The following SMYD4 variants were observed in gnomAD, a reference collection of about 807,000 sequenced individuals.
SMYD4 encodes the protein SET and MYND domain containing 4.
A neutral mutation model predicts 72.8 loss-of-function variants in SMYD4; 68 were observed. That is an observed-to-expected ratio of 0.93 (90% CI 0.77 to 1.14). The LOEUF is 1.14. Ranked by LOEUF, SMYD4 falls within the 50% of genes most tolerant of loss-of-function variation. The pLI is 0.00. For missense variants in SMYD4, 984 were observed against 1,003.7 expected (o/e 0.98, Z 0.27); for synonymous variants, 407 against 388.6 (o/e 1.05, Z -0.56).
In SMYD4 at chr17:1,784,323, C is replaced by T. The variant is rs772016985; in HGVS notation, c.2020+3G>A. 1.2e-6 allele frequency: 2 copies of T among 1,614,214 alleles called. No homozygotes were observed. Among genetic ancestry groups the T allele is most frequent in the Admixed American group, 3.3e-5 (2 of 60,024 alleles). ...GAGGACCAAAGCAGGGAGCCAGTCT[C>T]ACCTAGTTCACCATCTCTGAGAAGC... On this transcript the variant is annotated splice_donor_region_variant and intron_variant, in intron 8 of 10. Transcript: ENST00000305513.
chr17:1,781,343 C>T lies in SMYD4; in HGVS notation c.2358G>A (p.Gln786=). ...AGTCCAACAAACAGGATTTCATCTT[C>T]TGGAGCTCCTGGATTTCATCGTCCC... The part of the protein sequence containing the change: ...GPWDDEIQEL[Q]KMKSCLLDLP... The change falls in exon 11 of 11, where the codon CAG becomes CAA. Residue 786 remains glutamine, a synonymous_variant. Transcript: ENST00000305513. 6.2e-7 allele frequency: 1 copy of T among 1,614,076 alleles called. No individual in the cohort carries two copies. The highest frequency in any genetic ancestry group is 8.5e-7 in the Non-Finnish European group (1 of 1,180,038).
intron 2 of SMYD4, among the ~76,000 whole-genome samples, chr17:1,812,545 C>CTTTTTTTTTTTTTTTT (rs71150818): frequency 1.6e-5 from 1 of 63,702 alleles, no homozygotes; most frequent in Non-Finnish European, 3.0e-5. Context: ...AGCAGAATTT[C>CTTTTTTTTTTTTTTTT]TTTTTTTTTT....
intron 2 of SMYD4, among the ~76,000 whole-genome samples, chr17:1,818,209 G>T (rs1428216152): frequency 6.6e-6 from 1 of 152,006 alleles, no homozygotes; most frequent in Non-Finnish European, 1.5e-5. Flanking sequence ...TCTTTCTCCA[G>T]CCTTGCCATC....
At chr17:1,827,241 C>G (rs1911227681) in intron 2 of SMYD4, among the ~76,000 whole-genome samples, 1 of 150,676 alleles carries the variant, frequency 6.6e-6, no homozygotes, top group Non-Finnish European at 1.5e-5. Context: ...ACTCGGGAAG[C>G]TGAGATACGA....
chr17:1,804,603 A>G, intron 4 of SMYD4, 23 bp downstream of exon 4: 1 of 1,609,354 alleles, frequency 6.2e-7, no homozygotes, highest in East Asian at 2.2e-5. Context: ...CTGTCCTCTC[A>G]TACCAGGTAT....
chr17:1,792,809 A>C (rs933289253), intron 5 of SMYD4, among the ~76,000 whole-genome samples: 1 of 152,160 alleles, frequency 6.6e-6, no homozygotes, highest in Non-Finnish European at 1.5e-5. Context: ...CTGAGATAGA[A>C]TCCATCTACC....
chr17:1,810,369 T>A (rs1455634966), intron 3 of SMYD4, among the ~76,000 whole-genome samples: 1 of 152,058 alleles, frequency 6.6e-6, no homozygotes, highest in Non-Finnish European at 1.5e-5. Flanking sequence ...AAAACCCATC[T>A]CTACTAAAAA....
chr17:1,790,836 A>G (rs1033475591), intron 5 of SMYD4, among the ~76,000 whole-genome samples: 2 of 151,508 alleles, frequency 1.3e-5, no homozygotes, highest in African/African-American at 4.8e-5. Flanking sequence ...AGTAAAGAAA[A>G]AAGATTCATG....
At chr17:1,811,185 C>T (rs1022084562) in intron 3 of SMYD4, among the ~76,000 whole-genome samples, 37 of 152,314 alleles carry the variant, frequency 2.4e-4, no homozygotes, top group Middle Eastern at 3.4e-3. Flanking sequence ...GCCCTGGGGT[C>T]GGAGCCCCGC....
chr17:1,784,365 CCTG>C lies in SMYD4; in HGVS notation c.1978_1980del (p.Gln660del). The C allele has an allele frequency of 6.2e-7, 1 of 1,614,234 alleles. No homozygotes were observed. The highest frequency in any genetic ancestry group is 8.5e-7 in the Non-Finnish European group (1 of 1,180,046). On this transcript the variant is annotated inframe_deletion, in exon 8 of 11. Transcript: ENST00000305513. ...CTGAGAAGCTTCTGGGCCACTCTGA[CCTG>C]CTGCTGTAGGTCCTGTAACCGAGAG...
chr17:1,801,052 G>T, intron 4 of SMYD4, 28 bp from the exon 5 acceptor site: 2 of 1,567,962 alleles, frequency 1.3e-6, no homozygotes, highest in South Asian at 2.3e-5. Context: ...ATCCCACAAT[G>T]ACCCTTGGTC....
At chr17:1,789,258 T>G (rs912070482) in intron 5 of SMYD4, among the ~76,000 whole-genome samples, 1 of 152,038 alleles carries the variant, frequency 6.6e-6, no homozygotes, top group Non-Finnish European at 1.5e-5. Context: ...CATGGTGGCA[T>G]GCGCCTGTAG....
At chr17:1,793,157 T>A (rs768563958) in intron 5 of SMYD4, among the ~76,000 whole-genome samples, 2 of 152,056 alleles carry the variant, frequency 1.3e-5, no homozygotes, top group African/African-American at 2.4e-5. Flanking sequence ...GCTCAAGTAA[T>A]CCTCCTGCCT....
chr17:1,794,105 A>ATATATATTTTTTTT (rs1291818005), intron 5 of SMYD4, among the ~76,000 whole-genome samples: 6 of 12,992 alleles, frequency 4.6e-4, no homozygotes, highest in Non-Finnish European at 6.9e-4. Context: ...ATATATATAT[A>ATATATATTTTTTTT]TTTTTTTTTT....
At chr17:1,781,642 C>A in intron 10 of SMYD4, 2 of 442,424 alleles carry the variant, frequency 4.5e-6, no homozygotes, top group Non-Finnish European at 7.5e-6. Flanking sequence ...GTATAGACGC[C>A]AGGATCCTGA....
At chr17:1,794,037 G>GTATA (rs540607649) in intron 5 of SMYD4, among the ~76,000 whole-genome samples, 16 of 49,332 alleles carry the variant, frequency 3.2e-4, no homozygotes, top group Non-Finnish European at 1.3e-4. Context: ...ATATATATAT[G>GTATA]TATGTATATA....
intron 3 of SMYD4, among the ~76,000 whole-genome samples, chr17:1,808,385 AT>A (rs1196519599): frequency 2.6e-5 from 4 of 152,224 alleles, no homozygotes; most frequent in Non-Finnish European, 5.9e-5. Flanking sequence ...AAAGTGCAGC[AT>A]TATCCCAATT....
chr17:1,791,854 T>G (rs1909047598), intron 5 of SMYD4, among the ~76,000 whole-genome samples: 1 of 151,964 alleles, frequency 6.6e-6, no homozygotes, highest in Non-Finnish European at 1.5e-5. Context: ...CCCACTGCAC[T>G]CCAGCCTAAG....
intron 4 of SMYD4, among the ~76,000 whole-genome samples, chr17:1,803,280 G>A (rs986285510): frequency 4.6e-5 from 7 of 152,210 alleles, no homozygotes; most frequent in Admixed American, 2.6e-4. Flanking sequence ...TTCAAGGTAG[G>A]TTTTCCTTTT....
Sources: allele counts gnomAD v4.1 joint callset (sites outside exome capture counted in the v4.1 genomes callset), GRCh38; gene constraint gnomAD v4.1.1; transcripts MANE v1.5; gene names NCBI Gene and HGNC (gene_info 2026-07-23, HGNC 2026-07-21).